The following ACO2 variants were observed in gnomAD, a reference collection of about 807,000 sequenced individuals.
ACO2 encodes the protein aconitate hydratase, mitochondrial.
Under a neutral mutation model 84.5 loss-of-function variants are expected in ACO2, and 31 were observed. That is an observed-to-expected ratio of 0.37 (90% CI 0.28 to 0.50). ACO2 has a LOEUF of 0.50. ACO2 is among the 20% of genes least tolerant of loss of function. The pLI, the probability that ACO2 is intolerant of heterozygous loss-of-function variation, is 0.97. For synonymous variants in ACO2, 414 were observed against 412.7 expected, an observed-to-expected ratio of 1.00 and a Z score of -0.04; for missense variants, 685 against 1,029.3, an observed-to-expected ratio of 0.67 and a Z score of 4.58.
chr22:41,480,875 G>A (rs2038079018), intron 1 of ACO2, among the ~76,000 whole-genome samples: 1 of 152,046 alleles, frequency 6.6e-6, no homozygotes. Context: ...CAGTACAGTG[G>A]CTCGATCTTG....
At chr22:41,486,882 T>C (rs1204457306) in intron 1 of ACO2, among the ~76,000 whole-genome samples, 1 of 151,128 alleles carries the variant, frequency 6.6e-6, no homozygotes, top group Non-Finnish European at 1.5e-5. Flanking sequence ...CCAAGCTGCT[T>C]TTCTTTTGTT....
intron 1 of ACO2, among the ~76,000 whole-genome samples, chr22:41,472,726 G>C (rs2037961618): frequency 6.6e-6 from 1 of 152,182 alleles, no homozygotes; most frequent in Admixed American, 6.5e-5. Flanking sequence ...GAGATTACAA[G>C]CGTGAGCCAC....
chr22:41,516,046 A>G, intron 6 of ACO2, 129 bp downstream of exon 6: 3 of 1,249,526 alleles, frequency 2.4e-6, no homozygotes, highest in Non-Finnish European at 2.3e-6. Flanking sequence ...CTTGGGATAG[A>G]CAGAGGTAGA....
chr22:41,475,630 C>A (rs988422510), intron 1 of ACO2, among the ~76,000 whole-genome samples: 2 of 152,096 alleles, frequency 1.3e-5, no homozygotes, highest in Non-Finnish European at 2.9e-5. Context: ...CGTGGTGGCT[C>A]ACGCCTGTAA....
Position 41,528,867 on chromosome 22 carries a change from T to TGACAA in ACO2, c.*258_*262dup. On this transcript the variant is annotated 3_prime_UTR_variant, in exon 18 of 18. Coordinates refer to ENST00000216254, the MANE Select transcript of ACO2 (RefSeq NM_001098.3). ...TCCATGCAACTGTATTTATTTTTGA[T>TGACAA]GACAAGACTCCCATCTAAAGTTTTT... is the stretch of plus-strand genomic sequence containing the variant. The TGACAA allele has an allele frequency of 1.9e-6, 1 of 535,158 alleles. No homozygotes were observed. Among genetic ancestry groups the TGACAA allele is most frequent in the Non-Finnish European group, 3.3e-6 (1 of 305,900 alleles). The allele number at this position is 535,158 out of a possible 1,614,324, so 33.2% of individuals were successfully genotyped here.
intron 1 of ACO2, 140 bp downstream of exon 1, chr22:41,469,322 C>T: frequency 9.7e-7 from 1 of 1,035,660 alleles, no homozygotes; most frequent in South Asian, 1.7e-5. Context: ...GGCCCGGCAC[C>T]CGTGCCCGCT....
intron 16 of ACO2, 71 bp downstream of exon 16, chr22:41,527,491 G>C: frequency 6.5e-7 from 1 of 1,539,844 alleles, no homozygotes; most frequent in Non-Finnish European, 8.7e-7. Context: ...CCCTGCCCGT[G>C]GCTGAGTTGG....
intron 2 of ACO2, among the ~76,000 whole-genome samples, chr22:41,503,940 ATGG>A (rs1400888737): frequency 2.6e-5 from 4 of 152,198 alleles, no homozygotes; most frequent in Non-Finnish European, 5.9e-5. Context: ...CTAGCCGGGT[ATGG>A]TAGCCCACGC....
chr22:41,524,298 T>G (rs185613377), intron 12 of ACO2, among the ~76,000 whole-genome samples: 1 of 152,196 alleles, frequency 6.6e-6, no homozygotes, highest in Non-Finnish European at 1.5e-5. Flanking sequence ...GTGGGACACA[T>G]GCAGTTTCCA....
chr22:41,479,545 A>C (rs1260142580), intron 1 of ACO2, among the ~76,000 whole-genome samples: 1 of 152,168 alleles, frequency 6.6e-6, no homozygotes, highest in Admixed American at 6.5e-5. Flanking sequence ...AGGGAGTAGA[A>C]ACTGATCTCT....
chr22:41,469,636 G>A (rs1341585069), intron 1 of ACO2: 1 of 162,844 alleles, frequency 6.1e-6, no homozygotes, highest in Non-Finnish European at 1.3e-5. Context: ...CTGGAGTCTG[G>A]AGAAGAAACT....
At chr22:41,475,549 C>G (rs2038002858) in intron 1 of ACO2, among the ~76,000 whole-genome samples, 1 of 152,036 alleles carries the variant, frequency 6.6e-6, no homozygotes, top group African/African-American at 2.4e-5. Context: ...CTCTGGGCCT[C>G]TCAGCATGAA....
intron 1 of ACO2, among the ~76,000 whole-genome samples, chr22:41,471,911 GT>G (rs1431067110): frequency 6.6e-6 from 1 of 152,204 alleles, no homozygotes; most frequent in Non-Finnish European, 1.5e-5. Context: ...TAACACTCAT[GT>G]AGCTGTGTTT....
At chr22:41,480,695 A>G (rs550323583) in intron 1 of ACO2, among the ~76,000 whole-genome samples, 1 of 152,292 alleles carries the variant, frequency 6.6e-6, no homozygotes, top group South Asian at 2.1e-4. Context: ...AATGCAGTAT[A>G]TTCATAAAAG....
chr22:41,516,704 T>TG (rs2066478509), intron 6 of ACO2, among the ~76,000 whole-genome samples: 1 of 152,078 alleles, frequency 6.6e-6, no homozygotes, highest in Non-Finnish European at 1.5e-5. Context: ...CCAGACAGTG[T>TG]GTATCATTTC....
chr22:41,475,499 C>T (rs2038002356), intron 1 of ACO2, among the ~76,000 whole-genome samples: 1 of 152,058 alleles, frequency 6.6e-6, no homozygotes, highest in Non-Finnish European at 1.5e-5. Context: ...CTTTGACTTG[C>T]CTCGTTTTCC....
At chr22:41,485,950 G>C (rs1468411630) in intron 1 of ACO2, among the ~76,000 whole-genome samples, 1 of 151,846 alleles carries the variant, frequency 6.6e-6, no homozygotes, top group African/African-American at 2.4e-5. Context: ...GCTTCACTTG[G>C]TGAGTCTCTG....
chr22:41,469,219 G>T (rs758665243), intron 1 of ACO2, 37 bp downstream of exon 1: 1 of 1,600,076 alleles, frequency 6.2e-7, no homozygotes, highest in Admixed American at 1.7e-5. Flanking sequence ...TCACGGGGGC[G>T]GGGTGCCTCC....
Position 41,471,547 on chromosome 22 carries a change from A to G in ACO2, c.36+2365A>G, listed in dbSNP as rs571568461. ...ACTGAGCGCCCAATGCTTGTTCTGG[A>G]TACCGTGGTAAGCAAAGACAGTCCC... On this transcript the variant is annotated intron_variant, in intron 1 of 17. Transcript: ENST00000216254. 8.7e-4 allele frequency among the ~76,000 whole-genome samples: 132 copies of G among 152,188 alleles called. 1 individual carries two copies. The highest frequency in any genetic ancestry group is 1.2e-3 in the Non-Finnish European group (82 of 68,024).
Sources: allele counts gnomAD v4.1 joint callset (sites outside exome capture counted in the v4.1 genomes callset), GRCh38; gene constraint gnomAD v4.1.1; transcripts MANE v1.5; gene names NCBI Gene and HGNC (gene_info 2026-07-23, HGNC 2026-07-21).